Variants in WDPCP observed in about 807,000 individuals in gnomAD.
The protein encoded by WDPCP is WD repeat-containing and planar cell polarity effector protein fritz homolog.
Under a neutral mutation model 93.1 loss-of-function variants are expected in WDPCP, and 71 were observed. The ratio of observed to expected loss-of-function variants is 0.76; its 90% confidence interval spans 0.63 to 0.93. The LOEUF (loss-of-function observed/expected upper bound fraction) is 0.93. Ranked by LOEUF, WDPCP falls within the 40% of genes least tolerant of loss-of-function variation. The pLI, the probability that WDPCP is intolerant of heterozygous loss-of-function variation, is 0.00. For missense variants in WDPCP, 844 were observed against 887.4 expected, an observed-to-expected ratio of 0.95 and a Z score of 0.62; for synonymous variants, 315 against 315.0, an observed-to-expected ratio of 1.00 and a Z score of 0.00.
chr2:63,780,454 A>G (rs1264578685), intron 2 of WDPCP, among the ~76,000 whole-genome samples: 2 of 152,062 alleles, frequency 1.3e-5, no homozygotes, highest in African/African-American at 2.4e-5. Flanking sequence ...GGATTATTCT[A>G]CTCCTTACCA....
intron 14 of WDPCP, among the ~76,000 whole-genome samples, chr2:63,222,542 T>A (rs1048746442): frequency 6.6e-6 from 1 of 152,208 alleles, no homozygotes; most frequent in Non-Finnish European, 1.5e-5. Context: ...TGAGAAGACC[T>A]ATAGGAAGCA....
intron 2 of WDPCP, among the ~76,000 whole-genome samples, chr2:63,800,739 C>T (rs1020368790): frequency 3.9e-5 from 6 of 152,158 alleles, no homozygotes; most frequent in Admixed American, 1.3e-4. Context: ...TAGCAAATTA[C>T]CCTAAAATTC....
chr2:63,286,670 G>T (rs1684027624), intron 13 of WDPCP, among the ~76,000 whole-genome samples: 1 of 152,054 alleles, frequency 6.6e-6, no homozygotes, highest in Admixed American at 6.6e-5. Context: ...ACGTGACATG[G>T]ATATTTTAAA....
At chr2:63,683,902 TA>T (rs1668768370) in intron 2 of WDPCP, among the ~76,000 whole-genome samples, 1 of 150,796 alleles carries the variant, frequency 6.6e-6, no homozygotes, top group African/African-American at 2.4e-5. Flanking sequence ...ATAAAGGGGT[TA>T]ATTCAGCAAG....
At chr2:63,589,294 C>T (rs1054637967), upstream of WDPCP, 7 of 1,550,658 alleles carry the variant, frequency 4.5e-6, no homozygotes, top group African/African-American at 9.6e-5. Flanking sequence ...GGGAGAGGAG[C>T]GATCTTAATC....
chr2:63,758,625 A>G (rs1320349434), intron 2 of WDPCP, among the ~76,000 whole-genome samples: 1 of 152,038 alleles, frequency 6.6e-6, no homozygotes, highest in Non-Finnish European at 1.5e-5. Flanking sequence ...CTTTTTGTAG[A>G]GATAGGCTTT....
chr2:63,680,975 C>T (rs918168618), intron 2 of WDPCP, among the ~76,000 whole-genome samples: 2 of 152,102 alleles, frequency 1.3e-5, no homozygotes, highest in African/African-American at 4.8e-5. Flanking sequence ...AAGGAAGGAC[C>T]TAGTCCTGGC....
At chr2:63,628,643 G>A (rs1030149573) in intron 3 of WDPCP, among the ~76,000 whole-genome samples, 1 of 152,138 alleles carries the variant, frequency 6.6e-6, no homozygotes, top group Non-Finnish European at 1.5e-5. Context: ...GGTTTAGGAG[G>A]CCTCAGTTTT....
the WDPCP span, among the ~76,000 whole-genome samples, chr2:63,833,984 C>T: frequency 6.6e-6 from 1 of 152,130 alleles, no homozygotes; most frequent in South Asian, 2.1e-4. Flanking sequence ...TACACACACA[C>T]ACACACACAC....
upstream of WDPCP, chr2:63,588,508 T>G: frequency 1.6e-6 from 1 of 614,718 alleles, no homozygotes; most frequent in Non-Finnish European, 2.9e-6. Context: ...GTGTCAATCG[T>G]TTTTTAAAAG....
At chr2:63,556,358 C>T (rs920376562) in intron 1 of WDPCP, among the ~76,000 whole-genome samples, 8 of 152,036 alleles carry the variant, frequency 5.3e-5, no homozygotes, top group Non-Finnish European at 1.2e-4. Context: ...GTAAAAAGTC[C>T]GAACCTGCGA....
intron 2 of WDPCP, among the ~76,000 whole-genome samples, chr2:63,775,137 C>T (rs1575770036): frequency 6.6e-6 from 1 of 152,080 alleles, no homozygotes; most frequent in East Asian, 1.9e-4. Flanking sequence ...CGTCACAGAC[C>T]CCAACCGATA....
At chr2:63,314,861 T>C (rs1434840125) in intron 12 of WDPCP, among the ~76,000 whole-genome samples, 1 of 152,096 alleles carries the variant, frequency 6.6e-6, no homozygotes, top group African/African-American at 2.4e-5. Flanking sequence ...CACTGAAACA[T>C]CAATTTGGCA....
chr2:63,277,090 G>A (rs1288251271), intron 13 of WDPCP, among the ~76,000 whole-genome samples: 3 of 152,060 alleles, frequency 2.0e-5, no homozygotes, highest in Non-Finnish European at 4.4e-5. Context: ...CTTAAACAAA[G>A]CAATTATCAG....
intron 2 of WDPCP, among the ~76,000 whole-genome samples, chr2:63,712,927 G>A (rs1669283659): frequency 6.6e-6 from 1 of 152,202 alleles, no homozygotes; most frequent in Non-Finnish European, 1.5e-5. Flanking sequence ...GATCAGGGCT[G>A]AACTATTATA....
At chr2:63,572,364 G>A (rs765463323) in intron 1 of WDPCP, among the ~76,000 whole-genome samples, 7 of 152,156 alleles carry the variant, frequency 4.6e-5, no homozygotes, top group Admixed American at 2.0e-4. Context: ...AGATAAAAAG[G>A]GTATCCAGCT....
chr2:63,539,696 A>T (rs1368349541), intron 1 of WDPCP, among the ~76,000 whole-genome samples: 1 of 152,206 alleles, frequency 6.6e-6, no homozygotes, highest in Non-Finnish European at 1.5e-5. Context: ...AAAAAAAATA[A>T]TAAAAAAATA....
chr2:63,802,595 G>C (rs562057329), intron 2 of WDPCP, among the ~76,000 whole-genome samples: 2 of 152,222 alleles, frequency 1.3e-5, no homozygotes, highest in South Asian at 4.1e-4. Flanking sequence ...ATTTCTTAAA[G>C]GAACATTTCC....
intron 10 of WDPCP, among the ~76,000 whole-genome samples, chr2:63,387,208 G>C (rs1692805886): frequency 6.6e-6 from 1 of 152,046 alleles, no homozygotes; most frequent in Non-Finnish European, 1.5e-5. Flanking sequence ...CAATATCCTT[G>C]ATACACGTAG....
Sources: allele counts gnomAD v4.1 joint callset (sites outside exome capture counted in the v4.1 genomes callset), GRCh38; gene constraint gnomAD v4.1.1; transcripts MANE v1.5; gene names NCBI Gene and HGNC (gene_info 2026-07-23, HGNC 2026-07-21).